CRAMP1: variants seen among roughly 807,000 people sequenced by gnomAD.
CRAMP1 encodes the protein cramped chromatin regulator 1.
Under a neutral mutation model 115.4 loss-of-function variants are expected in CRAMP1, and 50 were observed. The ratio of observed to expected loss-of-function variants is 0.43; its 90% confidence interval spans 0.35 to 0.55. CRAMP1 has a LOEUF of 0.55. Among genes scored for constraint, CRAMP1 ranks in the 20% least tolerant of loss-of-function variants. CRAMP1 has a pLI of 0.01. For missense variants in CRAMP1, 1,679 were observed against 1,721.7 expected (o/e 0.98, Z 0.44); for synonymous variants, 866 against 745.4 (o/e 1.16, Z -2.64).
At chr16:1,658,657 A>G (rs1335323038) in intron 10 of CRAMP1, among the ~76,000 whole-genome samples, 1 of 152,136 alleles carries the variant, frequency 6.6e-6, no homozygotes, top group Non-Finnish European at 1.5e-5. Context: ...GCACCCCAAA[A>G]GGCCCGAGCC....
rs537607705 is a variant in CRAMP1 at position 1,672,720 on chromosome 16, C to G, written c.3646-1161C>G. 1.3e-5 allele frequency among the ~76,000 whole-genome samples: 2 copies of G among 152,286 alleles called. No homozygotes were observed. The highest frequency in any genetic ancestry group is 1.9e-4 in the East Asian group (1 of 5,182). On this transcript the variant is annotated intron_variant, in intron 20 of 20. Transcript: ENST00000397412. The surrounding 1 kb of genome is among the most constrained non-coding windows in gnomAD (Gnocchi z 4.9). ...GGTCTGCTGTGTGCAAACAATGGCC[C>G]CTGTCCTCATGAGGCTTCTACTCTA...
At chr16:1,630,380 G>A (rs930874874) in intron 3 of CRAMP1, among the ~76,000 whole-genome samples, 8 of 152,072 alleles carry the variant, frequency 5.3e-5, no homozygotes, top group Non-Finnish European at 8.8e-5. Flanking sequence ...TCAAACTCCT[G>A]GGCTCAAGCA....
chr16:1,629,696 G>A (rs1439123839), intron 3 of CRAMP1, among the ~76,000 whole-genome samples: 2 of 152,208 alleles, frequency 1.3e-5, no homozygotes, highest in Non-Finnish European at 2.9e-5. Context: ...CAGGGAGCGT[G>A]GGGAGGGCTG....
chr16:1,624,238 C>T (rs2142172082), intron 2 of CRAMP1, among the ~76,000 whole-genome samples: 1 of 151,964 alleles, frequency 6.6e-6, no homozygotes, highest in South Asian at 2.1e-4. Flanking sequence ...CTGCAACCTC[C>T]ACCTCCAAAT....
At position 1,656,449 on chromosome 16, in the gene CRAMP1, C is replaced by T; in HGVS notation, c.1692C>T (p.Tyr564=). The T allele has an allele frequency of 6.3e-7, 1 of 1,583,154 alleles. No individual in the cohort carries two copies. The highest frequency in any genetic ancestry group is 1.2e-5 in the South Asian group (1 of 86,630). ...ELSLLDPLPR[Y]LKSCQDLIVP... ...CGCTTCTAGACCCCTTGCCCCGCTA[C>T]CTAAAGTCCTGTCAGGACCTCATTG... The change falls in exon 10 of 21, where the codon TAC becomes TAT. Residue 564 remains tyrosine, a synonymous_variant. Coordinates refer to ENST00000397412, the MANE Select transcript of CRAMP1 (RefSeq NM_020825.4). This position sits in a 1 kb window ranked among gnomAD's most constrained non-coding sequence, Gnocchi z 5.6.
At chr16:1,658,872 G>T (rs1422590953) in intron 10 of CRAMP1, among the ~76,000 whole-genome samples, 1 of 152,180 alleles carries the variant, frequency 6.6e-6, no homozygotes, top group Non-Finnish European at 1.5e-5. Flanking sequence ...GTTGCCCCGG[G>T]TGGGATGTGT....
At chr16:1,639,959 G>A (rs2036618517) in intron 5 of CRAMP1, among the ~76,000 whole-genome samples, 1 of 152,190 alleles carries the variant, frequency 6.6e-6, no homozygotes, top group South Asian at 2.1e-4. Context: ...TGAGTGAGGG[G>A]CACACTGCTC....
rs1286716407 is a variant in CRAMP1, at chr16:1,669,774, G to A, written c.3499+609G>A. ...GAGAGCTCCCATTTGGATGTCTGGG[G>A]TCTTCCCGCCCACAGTTGTACGGGG... On this transcript the variant is annotated intron_variant, in intron 19 of 20. Coordinates refer to ENST00000397412, the MANE Select transcript of CRAMP1 (RefSeq NM_020825.4). This position sits in a 1 kb window ranked among gnomAD's most constrained non-coding sequence, Gnocchi z 4.6. 1.3e-5 allele frequency among the ~76,000 whole-genome samples: 2 copies of A among 152,308 alleles called. No individual in the cohort carries two copies. The highest frequency in any genetic ancestry group is 3.4e-3 in the Middle Eastern group (1 of 294).
chr16:1,677,359 C>G lies in CRAMP1; in HGVS notation c.*3314C>G, dbSNP rs2036978859. The G allele has an allele frequency of 6.6e-6, 1 of 152,288 alleles. No individual in the cohort carries two copies. Among genetic ancestry groups the G allele is most frequent in the African/African-American group, 2.4e-5 (1 of 41,464 alleles). 9.4% of individuals were successfully genotyped at this position (152,288 alleles called of 1,614,324 possible). A position where few individuals can be genotyped will look rare whatever the true frequency, so the allele number is the denominator to read the frequency against. ...GAGGAGACTTGAGGTAGGAGAATCA[C>G]TTGAACCTCAGCGGCGGAGGTTGCA... On this transcript the variant is annotated 3_prime_UTR_variant, in exon 21 of 21. Coordinates refer to ENST00000397412, the MANE Select transcript of CRAMP1 (RefSeq NM_020825.4).
intron 3 of CRAMP1, among the ~76,000 whole-genome samples, chr16:1,628,963 G>A (rs550681568): frequency 4.6e-5 from 7 of 152,316 alleles, no homozygotes; most frequent in Middle Eastern, 3.4e-3. Context: ...GTTATGGCCC[G>A]TCCAGACTTC....
At position 1,652,661 on chromosome 16, in the gene CRAMP1, G is replaced by C. The variant is rs1372849441; in HGVS notation, c.913+80G>C. Reference sequence around the variant, plus strand: ...AATGATGGGCAGGCTGAGCTACCGGGTTGCTGCCACAGTTGCTTTGTGTCT... The same window carrying C: ...AATGATGGGCAGGCTGAGCTACCGGCTTGCTGCCACAGTTGCTTTGTGTCT... On this transcript the variant is annotated intron_variant, in intron 7 of 20. Coordinates refer to ENST00000397412, the MANE Select transcript of CRAMP1 (RefSeq NM_020825.4). The C allele has an allele frequency of 1.2e-5, 15 of 1,293,414 alleles. 1 individual carries two copies. The Admixed American group carries it at 3.0e-4, about 26-fold the overall frequency. 80.1% of individuals were successfully genotyped at this position (1,293,414 alleles called of 1,614,324 possible).
At chr16:1,629,693 C>T (rs747279210) in intron 3 of CRAMP1, among the ~76,000 whole-genome samples, 8 of 152,164 alleles carry the variant, frequency 5.3e-5, no homozygotes, top group South Asian at 2.1e-4. Flanking sequence ...GCCCAGGGAG[C>T]GTGGGGAGGG....
intron 2 of CRAMP1, among the ~76,000 whole-genome samples, chr16:1,620,962 T>A (rs1022804960): frequency 2.6e-5 from 4 of 152,110 alleles, no homozygotes; most frequent in African/African-American, 9.7e-5. Context: ...ATTAATAATT[T>A]CTGAAAGTTT....
intron 20 of CRAMP1, among the ~76,000 whole-genome samples, chr16:1,673,170 C>T (rs1265201562): frequency 1.2e-4 from 18 of 149,504 alleles, no homozygotes; most frequent in Admixed American, 5.3e-4. Flanking sequence ...ATGACGGGAA[C>T]GTGTCCCCCA....
At chr16:1,647,981 T>C (rs1389467903) in intron 6 of CRAMP1, among the ~76,000 whole-genome samples, 1 of 152,156 alleles carries the variant, frequency 6.6e-6, no homozygotes, top group Non-Finnish European at 1.5e-5. Flanking sequence ...CTTTCGCACT[T>C]GAACATGGCT....
At position 1,648,564 on chromosome 16, in the gene CRAMP1, C is replaced by T. The variant is rs144095988; in HGVS notation, c.828-3932C>T. 2.4e-3 allele frequency among the ~76,000 whole-genome samples: 362 copies of T among 150,590 alleles called. 1 individual carries two copies. Among genetic ancestry groups the T allele is most frequent in the Non-Finnish European group, 3.6e-3 (246 of 67,742 alleles). ...AGCTTGCAGTGAGCCGAGATTGCACCGCTGCACTCCAGGCTGGGCAACACA... is the reference window on the plus strand; with the variant it reads ...AGCTTGCAGTGAGCCGAGATTGCACTGCTGCACTCCAGGCTGGGCAACACA... On this transcript the variant is annotated intron_variant, in intron 6 of 20. Coordinates refer to ENST00000397412, the MANE Select transcript of CRAMP1 (RefSeq NM_020825.4).
chr16:1,622,709 A>G (rs1033552705), intron 2 of CRAMP1, among the ~76,000 whole-genome samples: 18 of 151,242 alleles, frequency 1.2e-4, no homozygotes, highest in Admixed American at 1.1e-3. Flanking sequence ...CAGCCACCCA[A>G]GTAGCTGGGA....
At chr16:1,652,100 TCTG>T (rs1432863994) in intron 6 of CRAMP1, among the ~76,000 whole-genome samples, 14 of 152,088 alleles carry the variant, frequency 9.2e-5, no homozygotes, top group Admixed American at 9.2e-4. Context: ...ACTGAGAGCT[TCTG>T]CTCTGAGGGC....
Position 1,626,062 on chromosome 16 carries a change from T to G in CRAMP1, c.436T>G (p.Leu146Val). 5 of 1,551,472 alleles carry G rather than the reference T, an allele frequency of 3.2e-6. No individual in the cohort carries two copies. The highest frequency in any genetic ancestry group is 2.6e-6 in the Non-Finnish European group (3 of 1,146,870). Residue 146 changes from leucine to valine, a missense_variant, in exon 3 of 21, where the codon TTA becomes GTA. Physicochemically the swap from Leu to Val is conservative, Grantham distance 32 (BLOSUM62 1). This residue lies in a region of CRAMP1 where 264 missense variants were observed against 229.7 expected (regional missense o/e 1.15). Coordinates refer to ENST00000397412, the MANE Select transcript of CRAMP1 (RefSeq NM_020825.4). ...AGGSRSSSRN[L>V]GSSGGEKEEG... The stretch of plus-strand genomic sequence containing the variant: ...GGGCTCGCGCTCCTCCTCCCGGAAC[T>G]TAGGGTCTTCTGGTGGCGAGAAGGA...
Sources: gnomAD v4.1 joint callset for allele counts (sites outside exome capture counted in the v4.1 genomes callset) on GRCh38, gnomAD v4.1.1 for gene constraint, gnomAD v4.1.1 regional missense constraint, Gnocchi (gnomAD v3.1) non-coding constraint, MANE v1.5 for transcripts, NCBI Gene and HGNC (gene_info 2026-07-23, HGNC 2026-07-21) for gene names.